Variants in PABIR2 observed in about 807,000 individuals in gnomAD.
PABIR2 encodes the protein PABIR family member 2, also known as family with sequence similarity 122B.
Under a neutral mutation model 22.8 loss-of-function variants are expected in PABIR2, and 7 were observed. The observed-to-expected ratio is 0.31, with a 90% confidence interval of 0.17 to 0.58. The LOEUF (loss-of-function observed/expected upper bound fraction) is 0.58, where lower values mean the gene tolerates loss of function less well. Ranked by LOEUF, PABIR2 falls within the 20% of genes least tolerant of loss-of-function variation. The pLI is 0.89. For missense variants in PABIR2, 155 were observed against 205.1 expected (o/e 0.76, Z 1.49); for synonymous variants, 67 against 73.8 (o/e 0.91, Z 0.47).
intron 9 of PABIR2, among the ~76,000 whole-genome samples, chrX:134,778,218 A>T (rs2079046504): frequency 1.9e-5 from 2 of 102,901 alleles, no homozygotes; most frequent in South Asian, 9.9e-4. Context: ...ATATAAAAAA[A>T]ATCGGGCCGG....
chrX:134,774,123 T>C (rs1006828395), intron 9 of PABIR2, among the ~76,000 whole-genome samples: 2 of 112,247 alleles, frequency 1.8e-5, no homozygotes, highest in Admixed American at 1.9e-4. Flanking sequence ...ATAATACCAC[T>C]GTTAAGTAAG....
chrX:134,783,361 G>A (rs756629766), intron 8 of PABIR2, among the ~76,000 whole-genome samples: 1 of 112,290 alleles, frequency 8.9e-6, no homozygotes, highest in Non-Finnish European at 1.9e-5. Context: ...TTCCCCTAAC[G>A]TTAGAAAAGT....
chrX:134,775,055 T>C (rs2078931604), intron 9 of PABIR2, among the ~76,000 whole-genome samples: 1 of 112,353 alleles, frequency 8.9e-6, no homozygotes, highest in African/African-American at 3.2e-5. Context: ...CTTTCCTAGC[T>C]TAAGCTCTGA....
intron 9 of PABIR2, among the ~76,000 whole-genome samples, chrX:134,779,072 C>T (rs2079085257): frequency 9.0e-6 from 1 of 111,614 alleles, no homozygotes; most frequent in Non-Finnish European, 1.9e-5. Context: ...CCTCAGCCTC[C>T]CAAAGTGCTG....
chrX:134,781,842 T>C lies in PABIR2; in HGVS notation c.638A>G (p.Gln213Arg). The C allele has an allele frequency of 8.3e-7, 1 of 1,202,091 alleles. No homozygotes were observed. ...TTACCATGAACTGAGATCAGACAGT[T>C]GCGCGGCATCTGGAGATAACATATT... is the stretch of plus-strand genomic sequence containing the variant. ...TTNMLSPDAA[Q>R]LSDLSSCSDI... The change falls in exon 9 of 10, where the codon CAA becomes CGA. Residue 213 changes from glutamine to arginine, a missense_variant. Coordinates refer to ENST00000343004, the MANE Select transcript of PABIR2 (RefSeq NM_001387468.1).
chrX:134,780,848 G>A (rs1415212960), intron 9 of PABIR2, among the ~76,000 whole-genome samples: 1 of 112,323 alleles, frequency 8.9e-6, no homozygotes, highest in African/African-American at 3.2e-5. Context: ...ACTAGGATGA[G>A]TAAGATTTAA....
At chrX:134,784,420 C>T (rs767999270) in intron 8 of PABIR2, among the ~76,000 whole-genome samples, 7 of 110,204 alleles carry the variant, frequency 6.4e-5, no homozygotes, top group Non-Finnish European at 1.1e-4. Flanking sequence ...GCCAAGATCA[C>T]GCCACTACAC....
intron 9 of PABIR2, among the ~76,000 whole-genome samples, chrX:134,779,756 T>C (rs1299114222): frequency 4.4e-5 from 5 of 112,849 alleles, no homozygotes; most frequent in Non-Finnish European, 9.4e-5. Context: ...TAAAATGCTG[T>C]CATATCTTTT....
chrX:134,779,162 C>T (rs1436500402), intron 9 of PABIR2, among the ~76,000 whole-genome samples: 3 of 111,497 alleles, frequency 2.7e-5, no homozygotes, highest in African/African-American at 9.7e-5. Context: ...GGCGCAGTGG[C>T]TCATGCCTAT....
intron 9 of PABIR2, among the ~76,000 whole-genome samples, chrX:134,776,876 A>T (rs762738186): frequency 8.9e-6 from 1 of 112,181 alleles, no homozygotes; most frequent in South Asian, 3.7e-4. Flanking sequence ...TGCTCTCTAA[A>T]AGATAGAGGG....
At chrX:134,795,906 G>A (rs1245734575) in intron 1 of PABIR2, among the ~76,000 whole-genome samples, 1 of 111,412 alleles carries the variant, frequency 9.0e-6, no homozygotes, top group African/African-American at 3.3e-5. Context: ...GAGGGGGACC[G>A]TTTCCTCCAC....
chrX:134,795,967 A>T, intron 1 of PABIR2, 141 bp downstream of exon 1: 1 of 492,646 alleles, frequency 2.0e-6, no homozygotes, highest in Non-Finnish European at 3.3e-6. Context: ...GACCCAAGTC[A>T]CTGTCAAGCA....
At chrX:134,787,162 C>T (rs1216063145) in intron 7 of PABIR2, among the ~76,000 whole-genome samples, 1 of 102,271 alleles carries the variant, frequency 9.8e-6, no homozygotes, top group Non-Finnish European at 2.0e-5. Context: ...TATAATGGTG[C>T]GATCTCAGCT....
intron 9 of PABIR2, among the ~76,000 whole-genome samples, chrX:134,774,287 T>C (rs375712928): frequency 8.9e-6 from 1 of 112,027 alleles, no homozygotes; most frequent in Non-Finnish European, 1.9e-5. Flanking sequence ...TTGGAACATA[T>C]GTGATTTTTC....
intron 8 of PABIR2, among the ~76,000 whole-genome samples, chrX:134,782,821 T>C (rs1290447735): frequency 8.9e-6 from 1 of 112,553 alleles, no homozygotes; most frequent in African/African-American, 3.2e-5. Flanking sequence ...ATTTTGTCCA[T>C]GTTATCAACT....
chrX:134,788,216 T>G (rs1398114014), intron 6 of PABIR2, among the ~76,000 whole-genome samples: 4 of 55,453 alleles, frequency 7.2e-5, no homozygotes, highest in Non-Finnish European at 1.2e-4. Flanking sequence ...GTGTAATATA[T>G]ACACGTTATA....
At chrX:134,781,253 T>C (rs1191428174) in intron 9 of PABIR2, among the ~76,000 whole-genome samples, 1 of 112,731 alleles carries the variant, frequency 8.9e-6, no homozygotes, top group East Asian at 2.8e-4. Context: ...TTTCACATTA[T>C]CCTCCATAGA....
At chrX:134,791,835 C>A (rs193162875) in intron 2 of PABIR2, among the ~76,000 whole-genome samples, 1 of 111,714 alleles carries the variant, frequency 9.0e-6, no homozygotes, top group East Asian at 2.8e-4. Context: ...GCCAGAGGCA[C>A]CTTAAATCCA....
intron 6 of PABIR2, among the ~76,000 whole-genome samples, chrX:134,787,744 G>A (rs1234146513): frequency 9.8e-6 from 1 of 102,320 alleles, no homozygotes; most frequent in African/African-American, 3.6e-5. Context: ...CCTTCTTGAT[G>A]AGCTAGGACT....
Sources: gnomAD v4.1 joint callset for allele counts (sites outside exome capture counted in the v4.1 genomes callset) on GRCh38, gnomAD v4.1.1 for gene constraint, MANE v1.5 for transcripts, NCBI Gene and HGNC (gene_info 2026-07-23, HGNC 2026-07-21) for gene names.